Variants in TCERG1L observed in about 807,000 individuals in gnomAD.
TCERG1L encodes transcription elongation regulator 1 like.
Under a neutral mutation model 56.3 loss-of-function variants are expected in TCERG1L, and 37 were observed. That is an observed-to-expected ratio of 0.66 (90% CI 0.51 to 0.87). TCERG1L has a LOEUF of 0.87. Among genes scored for constraint, TCERG1L ranks in the 40% least tolerant of loss-of-function variants. TCERG1L has a pLI of 0.00. For synonymous variants in TCERG1L, 324 were observed against 326.3 expected, an observed-to-expected ratio of 0.99 and a Z score of 0.08; for missense variants, 799 against 774.2, an observed-to-expected ratio of 1.03 and a Z score of -0.38.
intron 4 of TCERG1L, among the ~76,000 whole-genome samples, chr10:131,195,431 G>T (rs939753379): frequency 6.6e-6 from 1 of 152,200 alleles, no homozygotes; most frequent in African/African-American, 2.4e-5. Flanking sequence ...AAACCAAAAA[G>T]GAGGAAATCT....
chr10:131,188,443 T>C (rs964588747), intron 4 of TCERG1L, among the ~76,000 whole-genome samples: 34 of 152,158 alleles, frequency 2.2e-4, no homozygotes, highest in Admixed American at 2.2e-3. Flanking sequence ...CTGAGAGCAA[T>C]GAACTTCTAA....
intron 3 of TCERG1L, among the ~76,000 whole-genome samples, chr10:131,300,379 AC>A (rs1846748022): frequency 6.6e-6 from 1 of 152,144 alleles, no homozygotes; most frequent in Non-Finnish European, 1.5e-5. Flanking sequence ...CATAAGTTAA[AC>A]CATTTGATAT....
intron 4 of TCERG1L, among the ~76,000 whole-genome samples, chr10:131,192,118 C>A (rs1845311130): frequency 7.0e-6 from 1 of 142,806 alleles, no homozygotes; most frequent in African/African-American, 2.6e-5. Flanking sequence ...AAAATATTTG[C>A]AAACTATGTA....
chr10:131,254,494 G>A (rs1846148301), intron 4 of TCERG1L, among the ~76,000 whole-genome samples: 1 of 152,110 alleles, frequency 6.6e-6, no homozygotes, highest in African/African-American at 2.4e-5. Flanking sequence ...CTTGGGGGCT[G>A]TAAGCAAGGG....
intron 4 of TCERG1L, among the ~76,000 whole-genome samples, chr10:131,171,051 CA>C (rs1846087483): frequency 6.6e-6 from 1 of 151,960 alleles, no homozygotes; most frequent in Non-Finnish European, 1.5e-5. Flanking sequence ...GAAGCTGAAG[CA>C]GAGAATTGCT....
At chr10:131,104,936 C>T (rs575603529) in intron 9 of TCERG1L, among the ~76,000 whole-genome samples, 66 of 152,352 alleles carry the variant, frequency 4.3e-4, no homozygotes, top group South Asian at 1.9e-3. Context: ...CTAACCATGA[C>T]GCATTATTAC....
At chr10:131,209,813 T>C (rs1291117117) in intron 4 of TCERG1L, among the ~76,000 whole-genome samples, 2 of 152,194 alleles carry the variant, frequency 1.3e-5, no homozygotes, top group African/African-American at 4.8e-5. Context: ...ATTTAAATAA[T>C]TTTAAGCTTA....
intron 9 of TCERG1L, among the ~76,000 whole-genome samples, chr10:131,109,751 C>T (rs891490178): frequency 6.6e-6 from 1 of 152,168 alleles, no homozygotes; most frequent in African/African-American, 2.4e-5. Flanking sequence ...GCGGGACTCT[C>T]CTCTCTCCCT....
intron 10 of TCERG1L, among the ~76,000 whole-genome samples, chr10:131,100,273 T>C (rs867751080): frequency 1.2e-4 from 18 of 152,218 alleles, no homozygotes; most frequent in Admixed American, 2.6e-4. Flanking sequence ...AATAAAAGCA[T>C]GTGGCTCCAT....
At chr10:131,263,644 C>A (rs1289620712) in intron 3 of TCERG1L, among the ~76,000 whole-genome samples, 1 of 152,210 alleles carries the variant, frequency 6.6e-6, no homozygotes, top group Non-Finnish European at 1.5e-5. Context: ...TGATAGATAA[C>A]GACGACATAA....
At chr10:131,270,276 C>T (rs1273177112) in intron 3 of TCERG1L, among the ~76,000 whole-genome samples, 9 of 152,282 alleles carry the variant, frequency 5.9e-5, no homozygotes, top group East Asian at 3.9e-4. Flanking sequence ...AGCCTGGGGA[C>T]GCTAGCTGCT....
At chr10:131,302,596 G>A (rs1424233270) in intron 3 of TCERG1L, among the ~76,000 whole-genome samples, 1 of 139,866 alleles carries the variant, frequency 7.1e-6, no homozygotes, top group African/African-American at 2.6e-5. Context: ...TTACTTCCAG[G>A]CCCTCCCAAT....
chr10:131,105,861 T>C (rs371388212), intron 9 of TCERG1L, among the ~76,000 whole-genome samples: 13 of 152,238 alleles, frequency 8.5e-5, no homozygotes, highest in East Asian at 5.8e-4. Context: ...TTCTTTGAGG[T>C]TGGCCTTGGC....
chr10:131,302,952 T>C (rs543509510), intron 3 of TCERG1L, among the ~76,000 whole-genome samples: 1 of 152,068 alleles, frequency 6.6e-6, no homozygotes, highest in South Asian at 2.1e-4. Flanking sequence ...GCAAAGGACA[T>C]GAACTCATCC....
intron 4 of TCERG1L, among the ~76,000 whole-genome samples, chr10:131,208,011 C>T (rs2042405548): frequency 6.6e-6 from 1 of 152,182 alleles, no homozygotes; most frequent in Non-Finnish European, 1.5e-5. Context: ...TGAGCCAACC[C>T]ACCCGTGCCA....
At chr10:131,281,406 TA>T (rs200572376) in intron 3 of TCERG1L, among the ~76,000 whole-genome samples, 144 of 145,792 alleles carry the variant, frequency 9.9e-4, no homozygotes, top group African/African-American at 1.6e-3. Flanking sequence ...ATCTCCAAAT[TA>T]AAAAAAAAAA....
chr10:131,309,473 T>G (rs1042656121), intron 1 of TCERG1L, among the ~76,000 whole-genome samples, 174 bp from the exon 2 acceptor site: 3 of 152,148 alleles, frequency 2.0e-5, no homozygotes, highest in African/African-American at 7.2e-5. Context: ...AAAGAAAAAA[T>G]TATAGAAGTT....
intron 3 of TCERG1L, among the ~76,000 whole-genome samples, chr10:131,280,624 T>C (rs971979520): frequency 6.6e-6 from 1 of 152,182 alleles, no homozygotes; most frequent in Non-Finnish European, 1.5e-5. Flanking sequence ...TTTAGCTTGG[T>C]AATTTGGGGG....
intron 10 of TCERG1L, among the ~76,000 whole-genome samples, chr10:131,098,674 G>A (rs1028539687): frequency 6.6e-6 from 1 of 152,202 alleles, no homozygotes; most frequent in Non-Finnish European, 1.5e-5. Context: ...TGGGTCAAAC[G>A]TGAAGCAGCC....
Sources: gnomAD v4.1 joint callset for allele counts (sites outside exome capture counted in the v4.1 genomes callset) on GRCh38, gnomAD v4.1.1 for gene constraint, MANE v1.5 for transcripts, NCBI Gene and HGNC (gene_info 2026-07-23, HGNC 2026-07-21) for gene names.